Variants in CEP128 observed in about 807,000 individuals in gnomAD.
CEP128 encodes centrosomal protein 128kDa.
A neutral mutation model predicts 156.7 loss-of-function variants in CEP128; 132 were observed. The observed-to-expected ratio is 0.84, with a 90% confidence interval of 0.73 to 0.97. The LOEUF (loss-of-function observed/expected upper bound fraction) is 0.97, where lower values mean the gene tolerates loss of function less well. CEP128 is among the 50% of genes least tolerant of loss of function. The pLI, the probability that CEP128 is intolerant of heterozygous loss-of-function variation, is 0.00. For missense variants in CEP128, 1,252 were observed against 1,281.9 expected (o/e 0.98, Z 0.36); for synonymous variants, 469 against 448.9 (o/e 1.04, Z -0.57).
At chr14:80,891,585 C>CAAAAAAA (rs34380899) in intron 8 of CEP128, among the ~76,000 whole-genome samples, 1 of 97,128 alleles carries the variant, frequency 1.0e-5, no homozygotes, top group African/African-American at 4.0e-5. Flanking sequence ...TTACTAGGTG[C>CAAAAAAA]AAAAAAAAAA....
chr14:80,522,551 G>C (rs1486854479), intron 23 of CEP128, among the ~76,000 whole-genome samples: 1 of 152,172 alleles, frequency 6.6e-6, no homozygotes, highest in African/African-American at 2.4e-5. Flanking sequence ...TTTCTTTCAA[G>C]GGGAAGAAGG....
intron 6 of CEP128, among the ~76,000 whole-genome samples, chr14:80,904,612 T>C (rs186794876): frequency 2.2e-4 from 33 of 152,226 alleles, no homozygotes; most frequent in African/African-American, 2.4e-5. Flanking sequence ...CATAAATGTA[T>C]ACAACTATGA....
intron 18 of CEP128, among the ~76,000 whole-genome samples, chr14:80,752,922 T>C (rs1950845129): frequency 6.6e-6 from 1 of 152,204 alleles, no homozygotes; most frequent in Non-Finnish European, 1.5e-5. Context: ...TACTATACTA[T>C]AAAAAGTGTA....
At chr14:80,665,055 A>G (rs1181688176) in intron 19 of CEP128, among the ~76,000 whole-genome samples, 1 of 152,230 alleles carries the variant, frequency 6.6e-6, no homozygotes. Flanking sequence ...GGAAATAAAG[A>G]AAATTTGAAT....
At chr14:80,855,639 T>A (rs776681259) in intron 9 of CEP128, among the ~76,000 whole-genome samples, 2 of 151,356 alleles carry the variant, frequency 1.3e-5, no homozygotes, top group Non-Finnish European at 3.0e-5. Context: ...GTTTTACAAC[T>A]GAACCTTGAA....
chr14:80,640,749 T>C (rs1894371413), intron 19 of CEP128, among the ~76,000 whole-genome samples: 1 of 152,164 alleles, frequency 6.6e-6, no homozygotes, highest in African/African-American at 2.4e-5. Flanking sequence ...AACTCCCAAA[T>C]TGGCCCTCCC....
At chr14:80,571,810 AAAG>A (rs1401830703) in intron 20 of CEP128, among the ~76,000 whole-genome samples, 3 of 90,540 alleles carry the variant, frequency 3.3e-5, no homozygotes, top group Non-Finnish European at 2.1e-5. Context: ...GAACAAAAAA[AAAG>A]AAAGGTGAGG....
At chr14:80,662,452 C>T (rs1895440444) in intron 19 of CEP128, among the ~76,000 whole-genome samples, 1 of 152,150 alleles carries the variant, frequency 6.6e-6, no homozygotes, top group Non-Finnish European at 1.5e-5. Flanking sequence ...TTATTACTCA[C>T]TGTGACCCTA....
chr14:80,635,565 C>T (rs1015258332), intron 19 of CEP128, among the ~76,000 whole-genome samples: 3 of 152,064 alleles, frequency 2.0e-5, no homozygotes, highest in Non-Finnish European at 4.4e-5. Flanking sequence ...GAGGATACAG[C>T]GCCACACAAT....
At chr14:80,557,138 G>A (rs1594997755) in intron 21 of CEP128, among the ~76,000 whole-genome samples, 1 of 151,972 alleles carries the variant, frequency 6.6e-6, no homozygotes. Flanking sequence ...GAACCTTTAG[G>A]TTAGGACATT....
chr14:80,618,748 CT>C (rs1255462103), intron 19 of CEP128, among the ~76,000 whole-genome samples: 1 of 152,176 alleles, frequency 6.6e-6, no homozygotes, highest in African/African-American at 2.4e-5. Context: ...GGGACCCTCT[CT>C]AAAGCTATAG....
chr14:80,688,328 C>T (rs1354541952), intron 19 of CEP128, among the ~76,000 whole-genome samples: 1 of 152,140 alleles, frequency 6.6e-6, no homozygotes, highest in East Asian at 1.9e-4. Flanking sequence ...AGAATCCATA[C>T]CAACCTTAAC....
chr14:80,900,023 C>A lies in CEP128; in HGVS notation c.487G>T (p.Gly163Cys). ...AGGTCTCGAAGAGACTGATGAAAAC[C>A]ATGAAGCTAGCAAAGGCAAAACACA... ...QETDDMTQLH[G>C]FHQSLRDLSS... The change falls in exon 7 of 25, where the codon GGT (glycine) becomes TGT (cysteine). Residue 163 changes from glycine (G) to cysteine (C), a missense_variant. Transcript: ENST00000555265. The A allele has an allele frequency of 6.2e-7, 1 of 1,609,458 alleles. No individual in the cohort carries two copies. The highest frequency in any genetic ancestry group is 1.1e-5 in the South Asian group (1 of 90,310).
At chr14:80,622,365 A>G (rs1010100057) in intron 19 of CEP128, among the ~76,000 whole-genome samples, 15 of 151,498 alleles carry the variant, frequency 9.9e-5, no homozygotes, top group Admixed American at 4.0e-4. Flanking sequence ...CTAGAAGAAA[A>G]CCTAGGCATT....
At chr14:80,762,471 C>T (rs528925478) in intron 16 of CEP128, among the ~76,000 whole-genome samples, 1 of 152,106 alleles carries the variant, frequency 6.6e-6, no homozygotes, top group South Asian at 2.1e-4. Flanking sequence ...ATGTGAGCCA[C>T]AAACCCAACC....
At chr14:80,749,553 C>T (rs573400546) in intron 18 of CEP128, among the ~76,000 whole-genome samples, 5 of 152,222 alleles carry the variant, frequency 3.3e-5, no homozygotes, top group Non-Finnish European at 4.4e-5. Flanking sequence ...ATGTCTCACT[C>T]ATTTCTGGGA....
intron 3 of CEP128, among the ~76,000 whole-genome samples, chr14:80,915,242 C>T (rs933662314): frequency 6.6e-6 from 1 of 151,994 alleles, no homozygotes; most frequent in Non-Finnish European, 1.5e-5. Context: ...GGGCTGGTCT[C>T]AAACTCCTGG....
intron 8 of CEP128, among the ~76,000 whole-genome samples, chr14:80,866,599 AC>A (rs1030802334): frequency 6.6e-6 from 1 of 152,206 alleles, no homozygotes; most frequent in Non-Finnish European, 1.5e-5. Context: ...TAGAGAGCCT[AC>A]CAAAAATCTC....
At chr14:80,572,811 G>A (rs954671219) in intron 20 of CEP128, among the ~76,000 whole-genome samples, 6 of 152,178 alleles carry the variant, frequency 3.9e-5, no homozygotes, top group Non-Finnish European at 7.3e-5. Context: ...TTCTGGAAGC[G>A]TTGCTTTTCA....
Sources: allele counts gnomAD v4.1 joint callset (sites outside exome capture counted in the v4.1 genomes callset), GRCh38; gene constraint gnomAD v4.1.1; transcripts MANE v1.5; gene names NCBI Gene and HGNC (gene_info 2026-07-23, HGNC 2026-07-21).